Variants in DCTPP1 observed in about 807,000 individuals in gnomAD.
DCTPP1 encodes XTP3-transactivated gene A protein.
In DCTPP1, 8 loss-of-function variants were observed where a neutral mutation model predicts 8.8. That is an observed-to-expected ratio of 0.91 (90% CI 0.54 to 1.64). The LOEUF is 1.64. Among genes scored for constraint, DCTPP1 ranks in the 40% most tolerant of loss-of-function variants. The pLI is 0.00. For synonymous variants in DCTPP1, 85 were observed against 92.1 expected, an observed-to-expected ratio of 0.92 and a Z score of 0.44; for missense variants, 231 against 230.4, an observed-to-expected ratio of 1.00 and a Z score of -0.02.
rs930121830 is a variant in DCTPP1, at chr16:30,424,045, C to G, written c.*188G>C. On this transcript the variant is annotated 3_prime_UTR_variant, in exon 3 of 3. Transcript: ENST00000319285. ...CAGGAATAATCTAGAAGTTATCGCC[C>G]AAAACCATTTTACTGGGAGAACAAA... 3 of 713,208 alleles carry G rather than the reference C, an allele frequency of 4.2e-6. No homozygotes were observed. Among genetic ancestry groups the G allele is most frequent in the African/African-American group, 3.6e-5 (2 of 56,008 alleles). 44.2% of individuals were successfully genotyped at this position (713,208 alleles called of 1,614,324 possible). A position where few individuals can be genotyped will look rare whatever the true frequency, so the allele number is the denominator to read the frequency against.
Position 30,429,941 on chromosome 16 carries a change from C to A in DCTPP1, c.40G>T (p.Gly14Ter), listed in dbSNP as rs977028957. 6.3e-7 allele frequency: 1 copy of A among 1,586,126 alleles called. No homozygotes were observed. The change falls in exon 1 of 3, where the codon GGA becomes TGA. Residue 14 changes from glycine (G) to a stop codon, truncating the protein, a stop_gained. Coordinates refer to ENST00000319285, the MANE Select transcript of DCTPP1 (RefSeq NM_024096.2). LOFTEE classifies it high-confidence loss of function. ...AGGEIRGDTG[G>*]EDTAAPGRFS... The stretch of plus-strand genomic sequence containing the variant: ...CGGCCGGGAGCAGCAGTGTCCTCTC[C>A]CCCCGTGTCCCCACGAATCTCCCCA...
Position 30,424,436 on chromosome 16 carries a change from C to T in DCTPP1, c.310G>A (p.Val104Met), listed in dbSNP as rs752763022. ...ACACGGCAGCGGGCTGCTAATGCCA[C>T]CAGGTAGATGAGGACGTCACTAAGC... is the stretch of plus-strand genomic sequence containing the variant. ...EELSDVLIYL[V>M]ALAARCRVDL... The change falls in exon 3 of 3, where the codon GTG becomes ATG. Residue 104 changes from valine (V) to methionine (M), a missense_variant. By Grantham distance (21) the Val-to-Met change is conservative (BLOSUM62 1). Transcript: ENST00000319285. 21 of 1,614,094 alleles carry T rather than the reference C, an allele frequency of 1.3e-5. No individual in the cohort carries two copies. The highest frequency in any genetic ancestry group is 1.6e-4 in the Middle Eastern group (1 of 6,084).
chr16:30,428,244 G>A (rs556087333), intron 2 of DCTPP1, among the ~76,000 whole-genome samples: 2 of 152,144 alleles, frequency 1.3e-5, no homozygotes, highest in African/African-American at 4.8e-5. Context: ...CTCATCCAAC[G>A]TGTGCCTATT....
intron 2 of DCTPP1, among the ~76,000 whole-genome samples, chr16:30,425,299 C>T (rs1248819986): frequency 3.3e-5 from 5 of 152,082 alleles, no homozygotes; most frequent in African/African-American, 4.8e-5. Flanking sequence ...CCAGCCTGGC[C>T]AAGATGGTGA....
Position 30,424,003 on chromosome 16 carries a change from G to C in DCTPP1, c.*230C>G, listed in dbSNP as rs927043887. 23 of 562,458 alleles carry C rather than the reference G, an allele frequency of 4.1e-5. No individual in the cohort carries two copies. The highest frequency in any genetic ancestry group is 6.7e-5 in the Admixed American group (2 of 29,942). The allele number at this position is 562,458 out of a possible 1,614,324, so 34.8% of individuals were successfully genotyped here. On this transcript the variant is annotated 3_prime_UTR_variant, in exon 3 of 3. Coordinates refer to ENST00000319285, the MANE Select transcript of DCTPP1 (RefSeq NM_024096.2). ...CCCCGTCATCACCTGCTGAGACAGA[G>C]AGCCTCCCTGGCCATCCAGGAATAA...
Position 30,424,107 on chromosome 16 carries a change from A to G in DCTPP1, c.*126T>C. On this transcript the variant is annotated 3_prime_UTR_variant, in exon 3 of 3. Transcript: ENST00000319285. ...TACCTTCTAGAGGCTGCTGGGCCTCAGACCTCAAGAAGTGGAGGCCTCAGG... is the reference window on the plus strand; with the variant it reads ...TACCTTCTAGAGGCTGCTGGGCCTCGGACCTCAAGAAGTGGAGGCCTCAGG... The G allele has an allele frequency of 8.3e-7, 1 of 1,200,190 alleles. No individual in the cohort carries two copies. 74.3% of individuals were successfully genotyped at this position (1,200,190 alleles called of 1,614,324 possible). A position where few individuals can be genotyped will look rare whatever the true frequency, so the allele number is the denominator to read the frequency against.
chr16:30,424,622 A>C (rs1378259857), intron 2 of DCTPP1, 89 bp from the exon 3 acceptor site: 3 of 1,502,962 alleles, frequency 2.0e-6, no homozygotes, highest in African/African-American at 2.8e-5. Flanking sequence ...ACCCACCTCC[A>C]AGGACGACCT....
chr16:30,427,100 C>T (rs1442731233), intron 2 of DCTPP1, among the ~76,000 whole-genome samples: 1 of 151,486 alleles, frequency 6.6e-6, no homozygotes, highest in African/African-American at 2.4e-5. Context: ...AGCTCCGCCT[C>T]CTGGGTTCAC....
At chr16:30,428,487 G>A (rs2050206472) in intron 2 of DCTPP1, among the ~76,000 whole-genome samples, 3 of 152,164 alleles carry the variant, frequency 2.0e-5, no homozygotes, top group African/African-American at 7.2e-5. Context: ...AAGGGTTGTT[G>A]GGCCAGGCGT....
At chr16:30,428,496 G>A (rs747296133) in intron 2 of DCTPP1, among the ~76,000 whole-genome samples, 16 of 152,186 alleles carry the variant, frequency 1.1e-4, no homozygotes, top group Non-Finnish European at 2.1e-4. Flanking sequence ...TGGGCCAGGC[G>A]TGGTGGCTCA....
At chr16:30,428,045 A>T (rs1187523973) in intron 2 of DCTPP1, among the ~76,000 whole-genome samples, 1 of 152,076 alleles carries the variant, frequency 6.6e-6, no homozygotes. Flanking sequence ...TGCCTGGTCT[A>T]CACCAGCCAA....
Position 30,429,256 on chromosome 16 carries a change from G to C in DCTPP1, c.102-89C>G. 1.3e-5 allele frequency: 17 copies of C among 1,319,546 alleles called. 2 individuals are homozygous for C. In the South Asian group the frequency reaches 2.0e-4, roughly 16 times the overall value. 81.7% of individuals were successfully genotyped at this position (1,319,546 alleles called of 1,614,324 possible). On this transcript the variant is annotated intron_variant, in intron 1 of 2. Coordinates refer to ENST00000319285, the MANE Select transcript of DCTPP1 (RefSeq NM_024096.2). ...GGCAGCTACCCCCGTAGTATGTAATGGGGCCTGGGACCAGGAGATTCTGCA... is the reference window on the plus strand; with the variant it reads ...GGCAGCTACCCCCGTAGTATGTAATCGGGCCTGGGACCAGGAGATTCTGCA...
At position 30,430,024 on chromosome 16, in the gene DCTPP1, C is replaced by T. The variant is rs906277523; in HGVS notation, c.-44G>A. 5.7e-6 allele frequency: 8 copies of T among 1,414,870 alleles called. No individual in the cohort carries two copies. The highest frequency in any genetic ancestry group is 6.1e-5 in the Admixed American group (2 of 32,958). 87.6% of individuals were successfully genotyped at this position (1,414,870 alleles called of 1,614,324 possible). ...GCGACTTCACGGAAAACCCACGAGC[C>T]ACGCTCGAAGCCCCGCCTCCAGAGC... On this transcript the variant is annotated 5_prime_UTR_variant, in exon 1 of 3. Transcript: ENST00000319285.
intron 1 of DCTPP1, 87 bp downstream of exon 1, chr16:30,429,793 C>T: frequency 7.4e-7 from 1 of 1,354,474 alleles, no homozygotes; most frequent in Non-Finnish European, 1.0e-6. Context: ...GCTGCCAGCC[C>T]GCTTCCCGAC....
chr16:30,428,735 C>T (rs558478515), intron 2 of DCTPP1: 107 of 406,342 alleles, frequency 2.6e-4, no homozygotes, highest in Non-Finnish European at 4.6e-4. Flanking sequence ...CCACTGCACT[C>T]CAGCCTGGGC....
intron 2 of DCTPP1, among the ~76,000 whole-genome samples, chr16:30,426,089 C>T (rs2050190746): frequency 6.6e-6 from 1 of 152,180 alleles, no homozygotes; most frequent in Non-Finnish European, 1.5e-5. Flanking sequence ...CTTCCCCATC[C>T]CCCATCATTC....
rs146094440 is a variant in DCTPP1, at chr16:30,424,280, C to G, written c.466G>C (p.Gly156Arg). The G allele has an allele frequency of 0.012, 19,664 of 1,614,220 alleles. 140 individuals are homozygous for G. The highest frequency in any genetic ancestry group is 0.014 in the Non-Finnish European group (16,927 of 1,180,032). Residue 156 changes from glycine (G) to arginine (R), a missense_variant, in exon 3 of 3, where the codon GGG (glycine) becomes CGG (arginine). Physicochemically the swap from Gly to Arg is moderately radical, Grantham distance 125 (BLOSUM62 -2). Coordinates refer to ENST00000319285, the MANE Select transcript of DCTPP1 (RefSeq NM_024096.2). ...GAGTCACAGGGAATGTCCGCAGGCC[C>G]CACAGCCTGGTCTTCAGAGATGGCC... Reference protein sequence around the residue: ...HGAISEDQAVGPADIPCDSTG... With the variant: ...HGAISEDQAVRPADIPCDSTG...
chr16:30,428,253 T>C (rs972312753), intron 2 of DCTPP1, among the ~76,000 whole-genome samples: 4 of 152,320 alleles, frequency 2.6e-5, no homozygotes, highest in Non-Finnish European at 5.9e-5. Flanking sequence ...CGTGTGCCTA[T>C]TGAGCGCCTA....
rs143639774 is a variant in DCTPP1 at position 30,425,608 on chromosome 16, C to T, written c.213-1075G>A. ...GGTAGATCACCTGAGGTCAGGAGTCCGAGACCAGCCTGGCCAACAAGGTGA... is the reference window on the plus strand; with the variant it reads ...GGTAGATCACCTGAGGTCAGGAGTCTGAGACCAGCCTGGCCAACAAGGTGA... On this transcript the variant is annotated intron_variant, in intron 2 of 2. Coordinates refer to ENST00000319285, the MANE Select transcript of DCTPP1 (RefSeq NM_024096.2). 5.8e-4 allele frequency among the ~76,000 whole-genome samples: 88 copies of T among 152,186 alleles called. 1 individual carries two copies. The highest frequency in any genetic ancestry group is 1.9e-3 in the African/African-American group (79 of 41,526).
Sources: allele counts gnomAD v4.1 joint callset (sites outside exome capture counted in the v4.1 genomes callset), GRCh38; gene constraint gnomAD v4.1.1; transcripts MANE v1.5; gene names NCBI Gene and HGNC (gene_info 2026-07-23, HGNC 2026-07-21).